The following HEPACAM2 variants were observed in gnomAD, a reference collection of about 807,000 sequenced individuals.
HEPACAM2 encodes the protein mitotic kinetics regulator.
Under a neutral mutation model 49.6 loss-of-function variants are expected in HEPACAM2, and 49 were observed. That is an observed-to-expected ratio of 0.99 (90% CI 0.78 to 1.25). HEPACAM2 has a LOEUF of 1.25. Among genes scored for constraint, HEPACAM2 ranks in the 50% most tolerant of loss-of-function variants. HEPACAM2 has a pLI of 0.00. For synonymous variants in HEPACAM2, 197 were observed against 202.9 expected, an observed-to-expected ratio of 0.97 and a Z score of 0.25; for missense variants, 525 against 557.2, an observed-to-expected ratio of 0.94 and a Z score of 0.58.
intron 1 of HEPACAM2, among the ~76,000 whole-genome samples, chr7:93,220,559 G>A (rs564952052): frequency 2.0e-5 from 3 of 152,182 alleles, no homozygotes; most frequent in African/African-American, 7.2e-5. Context: ...TTTTGGGAGC[G>A]TTCATTTTGA....
chr7:93,198,970 G>A lies in HEPACAM2; in HGVS notation c.1013-1360C>T, dbSNP rs150858503. ...TACAGGAATCTTTTAATAAGGTAGT[G>A]TAGATCATATGTGCAAAAATCGAGT... On this transcript the variant is annotated intron_variant, in intron 4 of 9. Coordinates refer to ENST00000394468, the MANE Select transcript of HEPACAM2 (RefSeq NM_001039372.4). Among the ~76,000 whole-genome samples, 335 of 152,178 alleles carry A rather than the reference G, an allele frequency of 2.2e-3. 3 individuals are homozygous for A. Among genetic ancestry groups the A allele is most frequent in the African/African-American group, 7.8e-3 (323 of 41,550 alleles).
At chr7:93,190,596 C>G (rs17165144) in intron 9 of HEPACAM2, among the ~76,000 whole-genome samples, 44,140 of 151,834 alleles carry the variant, frequency 0.29, 8,608 homozygotes, top group East Asian at 0.59. Context: ...TTTTGGAGGA[C>G]CATGTCCCAA....
intron 4 of HEPACAM2, among the ~76,000 whole-genome samples, chr7:93,205,994 C>T (rs117269174): frequency 0.011 from 1,735 of 152,126 alleles, 22 homozygotes; most frequent in Non-Finnish European, 0.019. Context: ...AATTATCTGA[C>T]GTTAAGACTG....
At chr7:93,192,189 T>C in intron 9 of HEPACAM2, 65 bp downstream of exon 9, 1 of 1,194,508 alleles carries the variant, frequency 8.4e-7, no homozygotes, top group East Asian at 2.3e-5. Flanking sequence ...TAATCAGTTC[T>C]GGGGAAAGCA....
intron 1 of HEPACAM2, chr7:93,219,722 G>A (rs986926815): frequency 6.1e-6 from 3 of 495,728 alleles, no homozygotes; most frequent in East Asian, 3.2e-5. Flanking sequence ...CGGAATAATG[G>A]GAAAAGGAGA....
chr7:93,216,728 G>C (rs1441382548), intron 2 of HEPACAM2, among the ~76,000 whole-genome samples: 1 of 152,192 alleles, frequency 6.6e-6, no homozygotes, highest in African/African-American at 2.4e-5. Context: ...GGAGAGAGGT[G>C]TATTTAATAA....
At chr7:93,209,016 C>A in intron 3 of HEPACAM2, 140 bp from the exon 4 acceptor site, 1 of 575,410 alleles carries the variant, frequency 1.7e-6, no homozygotes, top group East Asian at 3.0e-5. Context: ...TGCTTAGACT[C>A]CCAATAAATG....
chr7:93,196,761 T>C (rs538802774), intron 7 of HEPACAM2, among the ~76,000 whole-genome samples: 90 of 152,180 alleles, frequency 5.9e-4, no homozygotes, highest in Non-Finnish European at 1.1e-3. Context: ...ACAGTCAATA[T>C]TGATGATAAT....
intron 8 of HEPACAM2, among the ~76,000 whole-genome samples, chr7:93,195,215 G>A (rs1166190647): frequency 6.6e-6 from 1 of 152,008 alleles, no homozygotes; most frequent in East Asian, 1.9e-4. Flanking sequence ...AGGGTCTCCT[G>A]ATCCGCTGTT....
chr7:93,226,328 C>T lies in HEPACAM2; in HGVS notation c.79+40G>A, dbSNP rs755366385. 15 of 1,367,026 alleles carry T rather than the reference C, an allele frequency of 1.1e-5. No homozygotes were observed. The South Asian group carries it at 1.5e-4, about 14-fold the overall frequency. 84.7% of individuals were successfully genotyped at this position (1,367,026 alleles called of 1,614,324 possible). On this transcript the variant is annotated intron_variant, in intron 1 of 9. Coordinates refer to ENST00000394468, the MANE Select transcript of HEPACAM2 (RefSeq NM_001039372.4). Reference sequence around the variant, plus strand: ...TATGTCCACAATTAAAAAAAAAAAACCTAACAAACAGCTAAAACACAATTC... The same window carrying T: ...TATGTCCACAATTAAAAAAAAAAAATCTAACAAACAGCTAAAACACAATTC...
In HEPACAM2 at chr7:93,217,275, C is replaced by T. The variant is rs562485518; in HGVS notation, c.431-1590G>A. 1.2e-4 allele frequency among the ~76,000 whole-genome samples: 18 copies of T among 152,218 alleles called. No homozygotes were observed. The South Asian group carries it at 3.5e-3, about 30-fold the overall frequency. On this transcript the variant is annotated intron_variant, in intron 2 of 9. Transcript: ENST00000394468. The stretch of plus-strand genomic sequence containing the variant: ...CATCAACAGTTTTGTATGAGAAGAA[C>T]CAATCATTAGAATAGTCACTGGTAT...
chr7:93,230,504 G>A (rs1034725556), upstream of HEPACAM2, among the ~76,000 whole-genome samples: 3 of 152,166 alleles, frequency 2.0e-5, no homozygotes, highest in South Asian at 6.2e-4. Flanking sequence ...CCTAAGATAT[G>A]CTTTTAAACC....
intron 1 of HEPACAM2, among the ~76,000 whole-genome samples, chr7:93,221,766 T>C (rs761602140): frequency 6.6e-6 from 1 of 152,208 alleles, no homozygotes; most frequent in East Asian, 1.9e-4. Flanking sequence ...ACATGTCTTA[T>C]TGTCTCATTG....
chr7:93,190,291 A>G (rs1267658782), intron 9 of HEPACAM2, among the ~76,000 whole-genome samples: 2 of 152,072 alleles, frequency 1.3e-5, no homozygotes, highest in African/African-American at 4.8e-5. Flanking sequence ...CCGTTTAGAT[A>G]ATGCTGGAAG....
chr7:93,209,996 G>GT (rs1406125766), intron 3 of HEPACAM2, among the ~76,000 whole-genome samples: 2 of 151,752 alleles, frequency 1.3e-5, no homozygotes, highest in African/African-American at 2.4e-5. Context: ...AGCCCCTGGT[G>GT]TTTTTTTCCA....
rs936985206 is a variant in HEPACAM2, at chr7:93,225,729, A to T, written c.79+639T>A. On this transcript the variant is annotated intron_variant, in intron 1 of 9. Transcript: ENST00000394468. ...ACTCCTTTAAACTCAAAAGATAAAG[A>T]GGAGAATGAGGGAAAATATTAAGGT... 5.3e-5 allele frequency among the ~76,000 whole-genome samples: 8 copies of T among 152,288 alleles called. 1 individual carries two copies. The highest frequency in any genetic ancestry group is 1.9e-4 in the African/African-American group (8 of 41,574).
Position 93,191,286 on chromosome 7 carries a change from C to G in HEPACAM2, c.1385+968G>C, listed in dbSNP as rs117272456. On this transcript the variant is annotated intron_variant, in intron 9 of 9. Transcript: ENST00000394468. ...TTATGTGACTCTAGGTAAATTTTCT[C>G]TGATGAGGTTCTCTGAAGTATCTTG... is the stretch of plus-strand genomic sequence containing the variant. 5.5e-3 allele frequency among the ~76,000 whole-genome samples: 832 copies of G among 152,030 alleles called. 10 individuals carry two copies. The highest frequency in any genetic ancestry group is 9.4e-3 in the Non-Finnish European group (638 of 67,926).
In HEPACAM2 at chr7:93,188,815, A is replaced by T. The variant is rs1793461993; in HGVS notation, c.*452T>A. The T allele has an allele frequency of 2.6e-6, 1 of 388,640 alleles. No homozygotes were observed. The highest frequency in any genetic ancestry group is 4.4e-5 in the Admixed American group (1 of 22,478). The allele number at this position is 388,640 out of a possible 1,614,324, so 24.1% of individuals were successfully genotyped here. A position where few individuals can be genotyped will look rare whatever the true frequency, so the allele number is the denominator to read the frequency against. ...AATAAAATTGAAACATAAATTTAGC[A>T]TTCTTAACACTAATAAAAATTTAAT... On this transcript the variant is annotated 3_prime_UTR_variant, in exon 10 of 10. Coordinates refer to ENST00000394468, the MANE Select transcript of HEPACAM2 (RefSeq NM_001039372.4).
chr7:93,191,455 T>C (rs138045346), intron 9 of HEPACAM2, among the ~76,000 whole-genome samples: 24 of 152,270 alleles, frequency 1.6e-4, no homozygotes, highest in African/African-American at 5.8e-4. Flanking sequence ...TTGCTGAAAC[T>C]GTTTATTTTG....
Sources: allele counts gnomAD v4.1 joint callset (sites outside exome capture counted in the v4.1 genomes callset), GRCh38; gene constraint gnomAD v4.1.1; transcripts MANE v1.5; gene names NCBI Gene and HGNC (gene_info 2026-07-23, HGNC 2026-07-21).